GALNTL6: variants seen among roughly 807,000 people sequenced by gnomAD.
GALNTL6 encodes the protein polypeptide N-acetylgalactosaminyltransferase-like 6.
In GALNTL6, 46 loss-of-function variants were observed where a neutral mutation model predicts 73.7. The observed-to-expected ratio is 0.62, with a 90% CI of 0.49 to 0.80. GALNTL6 has a LOEUF of 0.80. GALNTL6 is among the 30% of genes least tolerant of loss of function. The probability of loss-of-function intolerance (pLI) is 0.00; values close to 1 mark genes in which losing one functional copy is unlikely to be tolerated. For synonymous variants in GALNTL6, 259 were observed against 263.7 expected, an observed-to-expected ratio of 0.98 and a Z score of 0.17; for missense variants, 604 against 755.0, an observed-to-expected ratio of 0.80 and a Z score of 2.34.
rs1294988861 is a variant in GALNTL6, at chr4:172,401,951, GGGGAGAGA to G, written c.553+53264_553+53271del. Among the ~76,000 whole-genome samples, 88 of 99,682 alleles carry G rather than the reference GGGGAGAGA, an allele frequency of 8.8e-4. 1 individual carries two copies. The highest frequency in any genetic ancestry group is 4.9e-3 in the African/African-American group (83 of 16,810). 65.4% of individuals were successfully genotyped at this position (99,682 alleles called of 152,430 possible). On this transcript the variant is annotated intron_variant, in intron 5 of 12. Transcript: ENST00000506823. ...AGGGAGAGAGGGGGAAAGGGGGAGG[GGGGAGAGA>G]GAGAGAGAGAGAGAGAGAGAGATCT...
At chr4:171,839,361 C>T (rs1375094236) in intron 2 of GALNTL6, among the ~76,000 whole-genome samples, 3 of 152,048 alleles carry the variant, frequency 2.0e-5, no homozygotes, top group Non-Finnish European at 4.4e-5. Context: ...AGGAATTTAT[C>T]TGGAAGGCAA....
chr4:172,351,227 C>G (rs1255157171), intron 5 of GALNTL6, among the ~76,000 whole-genome samples: 1 of 151,824 alleles, frequency 6.6e-6, no homozygotes, highest in African/African-American at 2.4e-5. Context: ...ATCTATCTAT[C>G]TACCTCTTTA....
chr4:172,729,747 A>AT (rs1242461235), intron 5 of GALNTL6, among the ~76,000 whole-genome samples: 1 of 151,930 alleles, frequency 6.6e-6, no homozygotes, highest in Non-Finnish European at 1.5e-5. Flanking sequence ...AAACTTTAGA[A>AT]TTTTTTCTAT....
intron 3 of GALNTL6, among the ~76,000 whole-genome samples, chr4:172,273,038 A>G (rs1365959071): frequency 8.1e-6 from 1 of 123,890 alleles, no homozygotes; most frequent in Non-Finnish European, 1.8e-5. Flanking sequence ...TTTTGCTTTT[A>G]TTCTTTATTT....
chr4:172,533,600 G>C (rs971213345), intron 5 of GALNTL6, among the ~76,000 whole-genome samples: 12 of 152,038 alleles, frequency 7.9e-5, no homozygotes, highest in Admixed American at 1.3e-4. Flanking sequence ...TGGGATTACA[G>C]GCTTGAACCA....
chr4:171,982,337 A>G (rs144597761), intron 2 of GALNTL6, among the ~76,000 whole-genome samples: 1,821 of 152,242 alleles, frequency 0.012, 14 homozygotes, highest in Non-Finnish European at 0.017. Context: ...TCGCTCTGTC[A>G]CCCAGGCTGG....
At chr4:172,560,626 TG>T (rs1342627734) in intron 5 of GALNTL6, among the ~76,000 whole-genome samples, 1 of 152,232 alleles carries the variant, frequency 6.6e-6, no homozygotes, top group Non-Finnish European at 1.5e-5. Context: ...TTCTTATACT[TG>T]ACATTCCTGG....
In GALNTL6 at chr4:172,609,623, CTCTGTGTGTGTG is replaced by C. The variant is rs1296127887; in HGVS notation, c.554-199736_554-199725del. On this transcript the variant is annotated intron_variant, in intron 5 of 12. Transcript: ENST00000506823. ...GTTTTCTCTCTCTCTCTCTCTCTCT[CTCTGTGTGTGTG>C]TGTGTGTGTGTGTGTGTGTGTGTGT... Among the ~76,000 whole-genome samples, 376 of 92,620 alleles carry C rather than the reference CTCTGTGTGTGTG, an allele frequency of 4.1e-3. 3 individuals carry two copies. The highest frequency in any genetic ancestry group is 5.9e-3 in the Non-Finnish European group (290 of 49,086). The allele number at this position is 92,620 out of a possible 152,430, so 60.8% of individuals were successfully genotyped here.
rs1258558250 is a variant in GALNTL6, at chr4:172,077,441, A to T, written c.139-152215A>T. Among the ~76,000 whole-genome samples the T allele has an allele frequency of 2.6e-5, 4 of 152,078 alleles. No individual in the cohort carries two copies. The East Asian group carries it at 7.7e-4, about 29-fold the overall frequency. ...CTTACTGGGAACAGGAGTAAAGGTCACTCTTCCTATGCTAGCAAAGAGCCT... is the reference window on the plus strand; with the variant it reads ...CTTACTGGGAACAGGAGTAAAGGTCTCTCTTCCTATGCTAGCAAAGAGCCT... On this transcript the variant is annotated intron_variant, in intron 2 of 12. Coordinates refer to ENST00000506823, the MANE Select transcript of GALNTL6 (RefSeq NM_001034845.3).
chr4:172,028,112 A>T (rs1449067883), intron 2 of GALNTL6, among the ~76,000 whole-genome samples: 3 of 152,130 alleles, frequency 2.0e-5, no homozygotes, highest in African/African-American at 7.2e-5. Flanking sequence ...AGAAGTGGCC[A>T]TCTAGGATTT....
At chr4:172,716,776 A>AAGTAGCCATCGC (rs1179111316) in intron 5 of GALNTL6, among the ~76,000 whole-genome samples, 1 of 152,324 alleles carries the variant, frequency 6.6e-6, no homozygotes, top group Non-Finnish European at 1.5e-5. Context: ...TTTGAAAGAG[A>AAGTAGCCATCGC]AGTAGCCATC....
At chr4:172,272,432 T>C (rs1485010164) in intron 3 of GALNTL6, among the ~76,000 whole-genome samples, 1 of 152,236 alleles carries the variant, frequency 6.6e-6, no homozygotes, top group Non-Finnish European at 1.5e-5. Flanking sequence ...CCATACAATA[T>C]ACCTATTGCT....
chr4:171,839,598 A>G (rs1053917751), intron 2 of GALNTL6, among the ~76,000 whole-genome samples: 27 of 152,122 alleles, frequency 1.8e-4, no homozygotes, highest in African/African-American at 6.5e-4. Flanking sequence ...ACATACGTTC[A>G]CACATGCATA....
At chr4:172,526,382 C>G (rs948116353) in intron 5 of GALNTL6, among the ~76,000 whole-genome samples, 1 of 152,182 alleles carries the variant, frequency 6.6e-6, no homozygotes, top group African/African-American at 2.4e-5. Context: ...TGAAGCCCAA[C>G]TGACAAAATT....
rs1460702382 is a variant in GALNTL6 at position 172,508,156 on chromosome 4, TAATC to T, written c.553+159471_553+159474del. Among the ~76,000 whole-genome samples, 2 of 54,980 alleles carry T rather than the reference TAATC, an allele frequency of 3.6e-5. 1 individual carries two copies. The highest frequency in any genetic ancestry group is 9.1e-5 in the African/African-American group (2 of 21,972). The allele number at this position is 54,980 out of a possible 152,430, so 36.1% of individuals were successfully genotyped here. A position where few individuals can be genotyped will look rare whatever the true frequency, so the allele number is the denominator to read the frequency against. Reference sequence around the variant, plus strand: ...TAAAAAAGCGTTTGTGTTAAATAAATAATCAATTGATCATTGGTGGTCTCAGAGA... The same window carrying T: ...TAAAAAAGCGTTTGTGTTAAATAAATAATTGATCATTGGTGGTCTCAGAGA... On this transcript the variant is annotated intron_variant, in intron 5 of 12. Transcript: ENST00000506823.
intron 2 of GALNTL6, among the ~76,000 whole-genome samples, chr4:171,844,218 C>A (rs1735312229): frequency 6.6e-6 from 1 of 152,000 alleles, no homozygotes; most frequent in South Asian, 2.1e-4. Context: ...TGGGGCCAGT[C>A]CTTGATTTGG....
intron 7 of GALNTL6, among the ~76,000 whole-genome samples, chr4:172,871,590 G>GGA (rs201022389): frequency 6.4e-5 from 8 of 125,286 alleles, no homozygotes; most frequent in South Asian, 3.2e-4. Flanking sequence ...TCTGACTCTG[G>GGA]GGGGGGTGTG....
intron 5 of GALNTL6, among the ~76,000 whole-genome samples, chr4:172,515,453 C>T (rs79532348): frequency 0.017 from 2,543 of 152,222 alleles, 63 homozygotes; most frequent in African/African-American, 0.058. Context: ...TTACACAGTC[C>T]GGATTCTCCG....
At chr4:171,953,122 G>C (rs561378116) in intron 2 of GALNTL6, among the ~76,000 whole-genome samples, 2 of 152,104 alleles carry the variant, frequency 1.3e-5, no homozygotes, top group East Asian at 3.9e-4. Context: ...TGAAAAAAAG[G>C]GCTAAAAAAT....
Sources: gnomAD v4.1 joint callset for allele counts (sites outside exome capture counted in the v4.1 genomes callset) on GRCh38, gnomAD v4.1.1 for gene constraint, MANE v1.5 for transcripts, NCBI Gene and HGNC (gene_info 2026-07-23, HGNC 2026-07-21) for gene names.